The following ADAMTSL1 variants were observed in gnomAD, a reference collection of about 807,000 sequenced individuals.
ADAMTSL1 encodes ADAMTS like 1.
Under a neutral mutation model 201.8 loss-of-function variants are expected in ADAMTSL1, and 126 were observed. The observed-to-expected ratio is 0.62, with a 90% confidence interval of 0.54 to 0.72. The LOEUF (loss-of-function observed/expected upper bound fraction) is 0.72, where lower values mean the gene tolerates loss of function less well. Ranked by LOEUF, ADAMTSL1 falls within the 30% of genes least tolerant of loss-of-function variation. ADAMTSL1 has a pLI of 0.00. For missense variants in ADAMTSL1, 2,679 were observed against 2,277.8 expected (o/e 1.18, Z -3.59); for synonymous variants, 1,121 against 903.4 (o/e 1.24, Z -4.32).
intron 7 of ADAMTSL1, among the ~76,000 whole-genome samples, chr9:18,655,134 G>C (rs182053101): frequency 6.6e-6 from 1 of 152,350 alleles, no homozygotes; most frequent in Admixed American, 6.5e-5. Flanking sequence ...AAAAGGAAAA[G>C]ATGCTTTAAC....
At chr9:18,787,229 G>A (rs1025472036) in intron 19 of ADAMTSL1, among the ~76,000 whole-genome samples, 7 of 152,184 alleles carry the variant, frequency 4.6e-5, no homozygotes, top group African/African-American at 1.7e-4. Flanking sequence ...GTTGAAAAGT[G>A]TAAGAATAGC....
At chr9:18,521,094 A>G (rs1175104819) in intron 2 of ADAMTSL1, among the ~76,000 whole-genome samples, 1 of 152,182 alleles carries the variant, frequency 6.6e-6, no homozygotes, top group East Asian at 1.9e-4. Context: ...ACCTCAAATG[A>G]GGGAAAAATG....
At chr9:17,989,329 C>T (rs1028981481) in intron 1 of ADAMTSL1, among the ~76,000 whole-genome samples, 12 of 151,860 alleles carry the variant, frequency 7.9e-5, no homozygotes, top group South Asian at 4.2e-4. Context: ...TTAATATTTT[C>T]GGTGAGCTTT....
At chr9:18,413,244 AAC>A (rs1185722539) in intron 2 of ADAMTSL1, among the ~76,000 whole-genome samples, 15 of 144,084 alleles carry the variant, frequency 1.0e-4, no homozygotes, top group African/African-American at 3.5e-4. Context: ...GGCTTGCTGC[AAC>A]CTTCGCCTCC....
chr9:17,932,868 T>C (rs1343910336), intron 1 of ADAMTSL1, among the ~76,000 whole-genome samples: 1 of 152,194 alleles, frequency 6.6e-6, no homozygotes, highest in Non-Finnish European at 1.5e-5. Flanking sequence ...GCTCCTCTTC[T>C]ATCATGACCA....
chr9:18,250,785 G>T (rs1034803849), intron 2 of ADAMTSL1, among the ~76,000 whole-genome samples: 2 of 152,120 alleles, frequency 1.3e-5, no homozygotes, highest in South Asian at 2.1e-4. Context: ...CATGTTCGAG[G>T]CTCCTCATTC....
At chr9:18,099,556 A>T (rs1318390281) in intron 1 of ADAMTSL1, among the ~76,000 whole-genome samples, 4 of 149,530 alleles carry the variant, frequency 2.7e-5, no homozygotes, top group Non-Finnish European at 5.9e-5. Context: ...CTGTATGTCG[A>T]AATTTTTTTT....
intron 1 of ADAMTSL1, 92 bp downstream of exon 1, chr9:18,474,387 G>A: frequency 8.0e-7 from 1 of 1,251,110 alleles, no homozygotes; most frequent in Non-Finnish European, 1.2e-6. Flanking sequence ...GTGTGTGTGT[G>A]TGTGTCTTTA....
Position 18,707,021 on chromosome 9 carries a change from A to G in ADAMTSL1, c.1849A>G (p.Thr617Ala). 6.2e-7 allele frequency: 1 copy of G among 1,613,814 alleles called. No homozygotes were observed. The highest frequency in any genetic ancestry group is 8.5e-7 in the Non-Finnish European group (1 of 1,179,822). Residue 617 changes from threonine to alanine, a missense_variant, in exon 14 of 29, where the codon ACC becomes GCC. By Grantham distance (58) the Thr-to-Ala change is moderately conservative (BLOSUM62 0). Coordinates refer to ENST00000380548, the MANE Select transcript of ADAMTSL1 (RefSeq NM_001040272.6). Reference protein sequence around the residue: ...ELYDWEYEGFTKCSESCGGGV... With the variant: ...ELYDWEYEGFAKCSESCGGGV... ...GTATGACTGGGAGTATGAGGGGTTCACCAAGTGCTCCGAGTCCTGTGGAGG... is the reference window on the plus strand; with the variant it reads ...GTATGACTGGGAGTATGAGGGGTTCGCCAAGTGCTCCGAGTCCTGTGGAGG...
chr9:18,768,290 G>C (rs1017548757), intron 16 of ADAMTSL1, among the ~76,000 whole-genome samples: 2 of 152,188 alleles, frequency 1.3e-5, no homozygotes, highest in East Asian at 1.9e-4. Context: ...GCACGCAGGA[G>C]TTGCTACAAC....
chr9:18,488,730 C>A (rs1438301132), intron 1 of ADAMTSL1, among the ~76,000 whole-genome samples: 1 of 152,198 alleles, frequency 6.6e-6, no homozygotes, highest in Non-Finnish European at 1.5e-5. Context: ...TCTCTCCCTG[C>A]AAGGCTGAAA....
At chr9:18,061,746 C>G (rs1268309460) in intron 1 of ADAMTSL1, among the ~76,000 whole-genome samples, 1 of 152,162 alleles carries the variant, frequency 6.6e-6, no homozygotes, top group Non-Finnish European at 1.5e-5. Context: ...ACTTCTCTGT[C>G]TCTTATAAAT....
intron 3 of ADAMTSL1, among the ~76,000 whole-genome samples, chr9:18,568,104 C>G (rs886760092): frequency 6.6e-6 from 1 of 152,020 alleles, no homozygotes; most frequent in African/African-American, 2.4e-5. Context: ...TAACTAAAAC[C>G]CCAGAAAGCA....
At chr9:18,132,514 A>G (rs1363035286) in intron 1 of ADAMTSL1, among the ~76,000 whole-genome samples, 4 of 152,130 alleles carry the variant, frequency 2.6e-5, no homozygotes, top group Non-Finnish European at 5.9e-5. Flanking sequence ...GTGATCTGCC[A>G]CGGGTTAGAT....
intron 21 of ADAMTSL1, chr9:18,826,017 CTGTAAG>C: frequency 1.7e-6 from 1 of 585,776 alleles, no homozygotes; most frequent in South Asian, 2.3e-5. Flanking sequence ...TGTCTCATCA[CTGTAAG>C]TTTAAAAGGC....
At chr9:18,000,862 A>G (rs1237819344) in intron 1 of ADAMTSL1, among the ~76,000 whole-genome samples, 3 of 152,024 alleles carry the variant, frequency 2.0e-5, no homozygotes, top group African/African-American at 7.2e-5. Context: ...GGGGTAAAAC[A>G]ACTTTAACCA....
chr9:18,801,497 A>G (rs1822799627), intron 20 of ADAMTSL1, among the ~76,000 whole-genome samples: 1 of 152,090 alleles, frequency 6.6e-6, no homozygotes, highest in Non-Finnish European at 1.5e-5. Context: ...CTAGTACCCA[A>G]TAGCTATTTT....
intron 2 of ADAMTSL1, among the ~76,000 whole-genome samples, chr9:18,368,137 C>T (rs1836862923): frequency 6.6e-6 from 1 of 151,814 alleles, no homozygotes; most frequent in Non-Finnish European, 1.5e-5. Context: ...GGATGGTCTC[C>T]ATCTCCTGAC....
chr9:18,115,026 G>A (rs1322940621), intron 1 of ADAMTSL1, among the ~76,000 whole-genome samples: 1 of 152,122 alleles, frequency 6.6e-6, no homozygotes, highest in Non-Finnish European at 1.5e-5. Flanking sequence ...CAGGGTGTTT[G>A]CCTGGAAGGG....
Sources: allele counts gnomAD v4.1 joint callset (sites outside exome capture counted in the v4.1 genomes callset), GRCh38; gene constraint gnomAD v4.1.1; transcripts MANE v1.5; gene names NCBI Gene and HGNC (gene_info 2026-07-23, HGNC 2026-07-21).